Variants in ATRIP observed in about 807,000 individuals in gnomAD.
ATRIP encodes the protein ATR-interacting protein.
In ATRIP, 44 loss-of-function variants were observed where a neutral mutation model predicts 78.1. The observed-to-expected ratio is 0.56, with a 90% CI of 0.44 to 0.72. The LOEUF (loss-of-function observed/expected upper bound fraction) is 0.72. Ranked by LOEUF, ATRIP falls within the 30% of genes least tolerant of loss-of-function variation. The pLI, the probability that ATRIP is intolerant of heterozygous loss-of-function variation, is 0.00. For synonymous variants in ATRIP, 388 were observed against 408.9 expected, an observed-to-expected ratio of 0.95 and a Z score of 0.62; for missense variants, 927 against 980.2, an observed-to-expected ratio of 0.95 and a Z score of 0.72.
intron 4 of ATRIP, among the ~76,000 whole-genome samples, chr3:48,455,681 A>G (rs984692648): frequency 6.6e-6 from 1 of 151,690 alleles, no homozygotes; most frequent in Admixed American, 6.6e-5. Flanking sequence ...TTTTTTAAGT[A>G]GAGATGGGAT....
rs757068459 is a variant in ATRIP, at chr3:48,464,943, C to T, written c.2168C>T (p.Thr723Met). 8.7e-6 allele frequency: 14 copies of T among 1,614,020 alleles called. No homozygotes were observed. The highest frequency in any genetic ancestry group is 6.6e-5 in the South Asian group (6 of 91,094). The change falls in exon 12 of 13, where the codon ACG (threonine) becomes ATG (methionine). Residue 723 changes from threonine (T) to methionine (M), a missense_variant. Physicochemically the swap from Thr to Met is moderately conservative, Grantham distance 81. Coordinates refer to ENST00000320211, the MANE Select transcript of ATRIP (RefSeq NM_130384.3). The stretch of plus-strand genomic sequence containing the variant: ...CGGACAGTGCGCTGTCTGCGGGACA[C>T]GGTGCTGCTGCTGCACGGCCTATCG... ...QRRTVRCLRD[T>M]VLLLHGLSQK...
intron 4 of ATRIP, among the ~76,000 whole-genome samples, chr3:48,455,645 A>G (rs2039936704): frequency 6.6e-6 from 1 of 151,204 alleles, no homozygotes; most frequent in African/African-American, 2.4e-5. Context: ...ACATACCACC[A>G]CACCAGGCTA....
intron 12 of ATRIP, 39 bp downstream of exon 12, chr3:48,465,122 C>G: frequency 6.3e-7 from 1 of 1,579,250 alleles, no homozygotes; most frequent in Non-Finnish European, 8.6e-7. Flanking sequence ...GCCCCCATGG[C>G]TTCTTCCAGA....
At position 48,460,120 on chromosome 3, in the gene ATRIP, G is replaced by A. The variant is rs145979024; in HGVS notation, c.1066G>A (p.Gly356Arg). 568 of 1,610,280 alleles carry A rather than the reference G, an allele frequency of 3.5e-4. 2 individuals are homozygous for A. The highest frequency in any genetic ancestry group is 2.4e-4 in the Non-Finnish European group (285 of 1,178,086). ...QPPGFGSTLA[G>R]MSGLRTTGSY... is the part of the protein sequence containing the mutation. Reference sequence around the variant, plus strand: ...TGTGTTTGTTGCCAGTACCTTGGCTGGAATGTCAGGCCTCAGGACCACAGG... The same window carrying A: ...TGTGTTTGTTGCCAGTACCTTGGCTAGAATGTCAGGCCTCAGGACCACAGG... The change falls in exon 8 of 13, where the codon GGA becomes AGA. Residue 356 changes from glycine to arginine, a missense_variant. Transcript: ENST00000320211.
rs768085785 is a variant in ATRIP at position 48,454,382 on chromosome 3, C to T, written c.635C>T (p.Ala212Val). 1 of 1,613,464 alleles carries T rather than the reference C, an allele frequency of 6.2e-7. No homozygotes were observed. The highest frequency in any genetic ancestry group is 8.5e-7 in the Non-Finnish European group (1 of 1,179,542). ...LRTKLQTSER[A>V]NKLAAPSVSH... Reference sequence around the variant, plus strand: ...ACAAAGCTCCAGACCAGTGAACGAGCAAATAAACTGGCTGCTCCCTCTGTT... The same window carrying T: ...ACAAAGCTCCAGACCAGTGAACGAGTAAATAAACTGGCTGCTCCCTCTGTT... Residue 212 changes from alanine (A) to valine (V), a missense_variant, in exon 4 of 13, where the codon GCA becomes GTA. Ala to Val is a moderately conservative substitution (Grantham distance 64, BLOSUM62 0). Coordinates refer to ENST00000320211, the MANE Select transcript of ATRIP (RefSeq NM_130384.3).
chr3:48,452,280 A>G (rs897690991), intron 3 of ATRIP, among the ~76,000 whole-genome samples: 8 of 152,220 alleles, frequency 5.3e-5, no homozygotes, highest in African/African-American at 1.9e-4. Flanking sequence ...AATGACTTAA[A>G]TCTTGCCAGG....
At position 48,467,192 on chromosome 3, in the gene ATRIP, A is replaced by T. The variant is rs1479667095; in HGVS notation, c.*1638A>T. The T allele has an allele frequency of 1.2e-6, 2 of 1,613,818 alleles. No homozygotes were observed. Among genetic ancestry groups the T allele is most frequent in the Admixed American group, 3.3e-5 (2 of 60,016 alleles). On this transcript the variant is annotated 3_prime_UTR_variant, in exon 13 of 13. Coordinates refer to ENST00000320211, the MANE Select transcript of ATRIP (RefSeq NM_130384.3). The stretch of plus-strand genomic sequence containing the variant: ...ACGGCCCAAGGAAGAGCTATAGCCT[A>T]GGCAGCATCTACACTCGCCTGTATG...
In ATRIP at chr3:48,466,980, C is replaced by A; in HGVS notation, c.*1426C>A. ...TGATGACAACCTGGCCAACCTGCTC[C>A]TAGCCTTCCTGCGGCGCCAGCCACA... On this transcript the variant is annotated 3_prime_UTR_variant, in exon 13 of 13. Coordinates refer to ENST00000320211, the MANE Select transcript of ATRIP (RefSeq NM_130384.3). The A allele has an allele frequency of 6.2e-7, 1 of 1,612,984 alleles. No individual in the cohort carries two copies. Among genetic ancestry groups the A allele is most frequent in the Admixed American group, 1.7e-5 (1 of 60,010 alleles).
Position 48,459,872 on chromosome 3 carries a change from T to G in ATRIP, c.1011T>G (p.Ser337=), listed in dbSNP as rs1478139209. ...TTTGCCACCTCCTGAGTAGTAGTTC[T>G]GAGTCTCCTGCTGGCACCCCCCTGC... is the stretch of plus-strand genomic sequence containing the variant. ...LSLCHLLSSS[S]ESPAGTPLQP... Residue 337 remains serine, a synonymous_variant, in exon 7 of 13, where the codon TCT becomes TCG. Transcript: ENST00000320211. 5 of 1,614,062 alleles carry G rather than the reference T, an allele frequency of 3.1e-6. No individual in the cohort carries two copies. The highest frequency in any genetic ancestry group is 4.2e-6 in the Non-Finnish European group (5 of 1,179,950).
Position 48,464,817 on chromosome 3 carries a change from C to T in ATRIP, c.2056-14C>T. On this transcript the variant is annotated splice_polypyrimidine_tract_variant and intron_variant, in intron 11 of 12. Coordinates refer to ENST00000320211, the MANE Select transcript of ATRIP (RefSeq NM_130384.3). The stretch of plus-strand genomic sequence containing the variant: ...GGTGGCACCAGGCCTCAGTCTGCAC[C>T]CCCCCTCTCTCAGGTGGTCAGAGCG... The T allele has an allele frequency of 6.2e-7, 1 of 1,603,914 alleles. No homozygotes were observed. The highest frequency in any genetic ancestry group is 8.5e-7 in the Non-Finnish European group (1 of 1,172,450).
chr3:48,449,944 GA>G (rs377674597), intron 1 of ATRIP, 92 bp from the exon 2 acceptor site: 77,815 of 1,089,170 alleles, frequency 0.071, 51 homozygotes, highest in African/African-American at 0.096. Context: ...TCTCAAAAAA[GA>G]AAAAAAAAAA....
At chr3:48,461,677 GTT>G (rs142814731) in intron 8 of ATRIP, among the ~76,000 whole-genome samples, 3,243 of 151,320 alleles carry the variant, frequency 0.021, 105 homozygotes, top group African/African-American at 0.07. Context: ...CATAGTGGCT[GTT>G]TTTTTTTGTT....
rs755226777 is a variant in ATRIP at position 48,466,860 on chromosome 3, C to G, written c.*1306C>G. 1.9e-6 allele frequency: 3 copies of G among 1,613,774 alleles called. No homozygotes were observed. The highest frequency in any genetic ancestry group is 2.2e-5 in the South Asian group (2 of 91,088). On this transcript the variant is annotated 3_prime_UTR_variant, in exon 13 of 13. Transcript: ENST00000320211. ...ACCGCGTGTGGTAGACAAGCTCTCC[C>G]TGTGTGTGGCTCCGGGGAAGGCCTG...
intron 4 of ATRIP, among the ~76,000 whole-genome samples, chr3:48,456,741 C>CTCCA (rs2039965168): frequency 6.6e-6 from 1 of 151,766 alleles, no homozygotes; most frequent in Non-Finnish European, 1.5e-5. Flanking sequence ...TGCTACTGTA[C>CTCCA]TCCAGCCTGG....
At position 48,464,881 on chromosome 3, in the gene ATRIP, G is replaced by A; in HGVS notation, c.2106G>A (p.Arg702=). The A allele has an allele frequency of 6.2e-7, 1 of 1,613,928 alleles. No homozygotes were observed. Among genetic ancestry groups the A allele is most frequent in the Non-Finnish European group, 8.5e-7 (1 of 1,179,926 alleles). Residue 702 remains arginine (R), a synonymous_variant, in exon 12 of 13, where the codon CGG becomes CGA. Coordinates refer to ENST00000320211, the MANE Select transcript of ATRIP (RefSeq NM_130384.3). ...VMLHRQWLTV[R]RAGGPPRTDQ... Reference sequence around the variant, plus strand: ...TGCACAGACAGTGGCTGACAGTGCGGAGGGCAGGGGGACCCCCAAGGACCG... The same window carrying A: ...TGCACAGACAGTGGCTGACAGTGCGAAGGGCAGGGGGACCCCCAAGGACCG...
rs910871211 is a variant in ATRIP at position 48,465,694 on chromosome 3, G to T, written c.*140G>T. 9 of 853,960 alleles carry T rather than the reference G, an allele frequency of 1.1e-5. No homozygotes were observed. The highest frequency in any genetic ancestry group is 2.4e-5 in the Admixed American group (1 of 42,368). 52.9% of individuals were successfully genotyped at this position (853,960 alleles called of 1,614,324 possible). ...CTGAGTCTGATCTGTTTGGCGGAGT[G>T]GGAGGGGTGGAGCAGGACCCGGACC... On this transcript the variant is annotated 3_prime_UTR_variant, in exon 13 of 13. Coordinates refer to ENST00000320211, the MANE Select transcript of ATRIP (RefSeq NM_130384.3).
chr3:48,457,293 G>A lies in ATRIP; in HGVS notation c.706G>A (p.Glu236Lys), dbSNP rs895861142. ...RKNPSVVIKP[E>K]ACSPQFGKTS... ...AAACCCTTCTGTGGTTATAAAGCCAGAAGCATGTTCTCCACAATTTGGAAA... is the reference window on the plus strand; with the variant it reads ...AAACCCTTCTGTGGTTATAAAGCCAAAAGCATGTTCTCCACAATTTGGAAA... The change falls in exon 5 of 13, where the codon GAA (glutamate) becomes AAA (lysine). Residue 236 changes from glutamate (E) to lysine (K), a missense_variant. Physicochemically the swap from Glu to Lys is moderately conservative, Grantham distance 56. Coordinates refer to ENST00000320211, the MANE Select transcript of ATRIP (RefSeq NM_130384.3). 12 of 1,600,052 alleles carry A rather than the reference G, an allele frequency of 7.5e-6. No individual in the cohort carries two copies. In the African/African-American group the frequency reaches 1.2e-4, roughly 16 times the overall value.
chr3:48,460,399 T>C lies in ATRIP; in HGVS notation c.1345T>C (p.Ser449Pro). 1 of 1,613,504 alleles carries C rather than the reference T, an allele frequency of 6.2e-7. No individual in the cohort carries two copies. The highest frequency in any genetic ancestry group is 8.5e-7 in the Non-Finnish European group (1 of 1,179,710). The change falls in exon 8 of 13, where the codon TCA (serine) becomes CCA (proline). Residue 449 changes from serine to proline, a missense_variant. Ser to Pro is a moderately conservative substitution (Grantham distance 74). Transcript: ENST00000320211. ...AAKRSGAPGD[S>P]PTHSSCVSSG... ...TAAGAGAAGCGGAGCACCTGGGGAC[T>C]CACCGACACATTCCTCCTGCGTGAG... is the stretch of plus-strand genomic sequence containing the variant.
chr3:48,461,910 T>C (rs913954393), intron 8 of ATRIP, among the ~76,000 whole-genome samples: 1 of 152,172 alleles, frequency 6.6e-6, no homozygotes, highest in Non-Finnish European at 1.5e-5. Context: ...TTCACCATGT[T>C]GGCCAGGCTT....
Sources: allele counts gnomAD v4.1 joint callset (sites outside exome capture counted in the v4.1 genomes callset), GRCh38; gene constraint gnomAD v4.1.1; transcripts MANE v1.5; gene names NCBI Gene and HGNC (gene_info 2026-07-23, HGNC 2026-07-21).